Variants in RASA3 observed in about 807,000 individuals in gnomAD.
RASA3 encodes the protein RAS p21 protein activator 3.
A neutral mutation model predicts 110.0 loss-of-function variants in RASA3; 73 were observed. The ratio of observed to expected loss-of-function variants is 0.66; its 90% CI spans 0.55 to 0.81. The LOEUF (loss-of-function observed/expected upper bound fraction) is 0.81, where lower values mean the gene tolerates loss of function less well. Ranked by LOEUF, RASA3 falls within the 30% of genes least tolerant of loss-of-function variation. The pLI is 0.00. For missense variants in RASA3, 976 were observed against 1,113.2 expected (o/e 0.88, Z 1.75); for synonymous variants, 500 against 451.4 (o/e 1.11, Z -1.37).
Position 114,000,737 on chromosome 13 carries a change from C to A in RASA3, c.1849+89G>T, listed in dbSNP as rs1284771663. The A allele has an allele frequency of 1.6e-4, 162 of 984,890 alleles. 1 individual carries two copies. The highest frequency in any genetic ancestry group is 3.4e-5 in the Non-Finnish European group (21 of 613,572). 61.0% of individuals were successfully genotyped at this position (984,890 alleles called of 1,614,324 possible). ...CTGCCCGCAGCACTGAATCCTTCCT[C>A]CCCTCAGCTCTCCCCCTGAAAAAGC... On this transcript the variant is annotated intron_variant, in intron 19 of 23. Coordinates refer to ENST00000334062, the MANE Select transcript of RASA3 (RefSeq NM_007368.4).
intron 15 of RASA3, among the ~76,000 whole-genome samples, chr13:114,012,720 A>G (rs1409776167): frequency 1.6e-5 from 2 of 128,310 alleles, no homozygotes; most frequent in East Asian, 4.7e-4. Context: ...CACACTCCCC[A>G]TTCCACACAC....
Position 114,018,797 on chromosome 13 carries a change from A to G in RASA3, c.908T>C (p.Leu303Pro). Residue 303 changes from leucine to proline, a missense_variant, in exon 10 of 24, where the codon CTG (leucine) becomes CCG (proline). Leu to Pro is a moderately conservative substitution (Grantham distance 98). This residue lies in a region of RASA3 where 732 missense variants were observed against 779.7 expected (regional missense o/e 0.94). Coordinates refer to ENST00000334062, the MANE Select transcript of RASA3 (RefSeq NM_007368.4). The stretch of plus-strand genomic sequence containing the variant: ...CGCAGACTTCAACAGCAGGTCCCGC[A>G]GAGGGCTGTAATAGTCAGAAGAAAA... ...HVFSSDYYSP[L>P]RDLLLKSADV... 1 of 1,613,604 alleles carries G rather than the reference A, an allele frequency of 6.2e-7. No individual in the cohort carries two copies. The highest frequency in any genetic ancestry group is 8.5e-7 in the Non-Finnish European group (1 of 1,179,964).
Position 114,112,871 on chromosome 13 carries a change from G to C in RASA3, c.55+19564C>G, listed in dbSNP as rs559287079. Reference sequence around the variant, plus strand: ...CCTCAGCAAAAAAGCAACACTCGCCGTTCAGAGAGTGAATGAGAGGCCAGC... The same window carrying C: ...CCTCAGCAAAAAAGCAACACTCGCCCTTCAGAGAGTGAATGAGAGGCCAGC... On this transcript the variant is annotated intron_variant, in intron 1 of 23. Coordinates refer to ENST00000334062, the MANE Select transcript of RASA3 (RefSeq NM_007368.4). This position sits in a 1 kb window ranked among gnomAD's most constrained non-coding sequence, Gnocchi z 4.8. Among the ~76,000 whole-genome samples, 222 of 152,242 alleles carry C rather than the reference G, an allele frequency of 1.5e-3. 1 individual carries two copies. The highest frequency in any genetic ancestry group is 5.0e-3 in the African/African-American group (207 of 41,568).
rs1468196296 is a variant in RASA3 at position 114,048,027 on chromosome 13, A to C, written c.277+4025T>G. On this transcript the variant is annotated intron_variant, in intron 3 of 23. Coordinates refer to ENST00000334062, the MANE Select transcript of RASA3 (RefSeq NM_007368.4). This position sits in a 1 kb window ranked among gnomAD's most constrained non-coding sequence, Gnocchi z 4.3. ...CACCTGATTTATACACAAAGAACGGAGGTCTCGGCCGGGCGCGGTGGCTCA... is the reference window on the plus strand; with the variant it reads ...CACCTGATTTATACACAAAGAACGGCGGTCTCGGCCGGGCGCGGTGGCTCA... Among the ~76,000 whole-genome samples, 1 of 152,198 alleles carries C rather than the reference A, an allele frequency of 6.6e-6. No individual in the cohort carries two copies. The highest frequency in any genetic ancestry group is 1.5e-5 in the Non-Finnish European group (1 of 68,030).
chr13:113,991,277 G>A (rs112445844), intron 22 of RASA3, among the ~76,000 whole-genome samples: 14 of 148,642 alleles, frequency 9.4e-5, no homozygotes, highest in Non-Finnish European at 1.3e-4. Flanking sequence ...GAGAACAGGC[G>A]TGGCCAAGCT....
Position 114,021,860 on chromosome 13 carries a change from C to T in RASA3, c.681-352G>A, listed in dbSNP as rs115079264. On this transcript the variant is annotated intron_variant, in intron 8 of 23. Coordinates refer to ENST00000334062, the MANE Select transcript of RASA3 (RefSeq NM_007368.4). ...ATAGGAGGGAGCCTGGGCGTCGCTGCGTGCACCCAGGAGCTACATGACCCC... is the reference window on the plus strand; with the variant it reads ...ATAGGAGGGAGCCTGGGCGTCGCTGTGTGCACCCAGGAGCTACATGACCCC... Among the ~76,000 whole-genome samples, 1,211 of 151,554 alleles carry T rather than the reference C, an allele frequency of 8.0e-3. 8 individuals are homozygous for T. The highest frequency in any genetic ancestry group is 0.028 in the African/African-American group (1,161 of 41,108).
At chr13:114,034,799 A>G (rs1206062214) in intron 4 of RASA3, among the ~76,000 whole-genome samples, 1 of 152,262 alleles carries the variant, frequency 6.6e-6, no homozygotes, top group South Asian at 2.1e-4. Flanking sequence ...AGTGTTACTC[A>G]TCAAAATCAG....
intron 1 of RASA3, among the ~76,000 whole-genome samples, chr13:114,101,613 G>A (rs1344442436): frequency 6.6e-6 from 1 of 152,224 alleles, no homozygotes. Flanking sequence ...GGCTGTCCTC[G>A]TTTCCAAGTC....
chr13:113,981,731 C>T lies in RASA3; in HGVS notation c.2373G>A (p.Glu791=). The change falls in exon 23 of 24, where the codon GAG becomes GAA. Residue 791 remains glutamate (E), a synonymous_variant. Coordinates refer to ENST00000334062, the MANE Select transcript of RASA3 (RefSeq NM_007368.4). ...KQVIAGVGAL[E]QEHAQYKRDK... ...CCCTCTTATACTGGGCGTGCTCCTG[C>T]TCCAAAGCCCCAACCCCAGCGATGA... 6.2e-7 allele frequency: 1 copy of T among 1,614,140 alleles called. No individual in the cohort carries two copies. The highest frequency in any genetic ancestry group is 8.5e-7 in the Non-Finnish European group (1 of 1,180,004).
At chr13:113,989,089 GATCACTCACCCATCTGTCCATCACC>G (rs1433922218) in intron 22 of RASA3, among the ~76,000 whole-genome samples, 43 of 102,010 alleles carry the variant, frequency 4.2e-4, no homozygotes, top group African/African-American at 1.5e-3. Flanking sequence ...TCAGTCCACC[GATCACTCACCCATCTGTCCATCACC>G]ATCACTCACC....
Position 114,112,689 on chromosome 13 carries a change from A to G in RASA3, c.55+19746T>C, listed in dbSNP as rs2139766889. Among the ~76,000 whole-genome samples, 1 of 151,812 alleles carries G rather than the reference A, an allele frequency of 6.6e-6. No homozygotes were observed. On this transcript the variant is annotated intron_variant, in intron 1 of 23. Transcript: ENST00000334062. This position sits in a 1 kb window ranked among gnomAD's most constrained non-coding sequence, Gnocchi z 4.8. Reference sequence around the variant, plus strand: ...CTCCCTGCTTGCCCTGGTCCCACACACTCAGGCCTGTGTGGCCAGCGTGGT... The same window carrying G: ...CTCCCTGCTTGCCCTGGTCCCACACGCTCAGGCCTGTGTGGCCAGCGTGGT...
In RASA3 at chr13:113,979,164, C is replaced by T. The variant is rs2052846386; in HGVS notation, c.*183G>A. On this transcript the variant is annotated 3_prime_UTR_variant, in exon 24 of 24. Transcript: ENST00000334062. ...TCCACAGGGCCAGGTGGGCTTTCTG[C>T]GGAGGGCGTGGCGGTGGTGGCAGCG... is the stretch of plus-strand genomic sequence containing the variant. 3 of 606,712 alleles carry T rather than the reference C, an allele frequency of 4.9e-6. No individual in the cohort carries two copies. Among genetic ancestry groups the T allele is most frequent in the East Asian group, 5.5e-5 (2 of 36,144 alleles). The allele number at this position is 606,712 out of a possible 1,614,324, so 37.6% of individuals were successfully genotyped here. A position where few individuals can be genotyped will look rare whatever the true frequency, so the allele number is the denominator to read the frequency against.
chr13:114,013,530 C>A, intron 14 of RASA3, among the ~76,000 whole-genome samples: 1 of 144,518 alleles, frequency 6.9e-6, no homozygotes, highest in East Asian at 2.2e-4. Context: ...TCTCATCTCT[C>A]TGTCTCTCTC....
intron 1 of RASA3, among the ~76,000 whole-genome samples, chr13:114,117,413 G>A (rs1176322021): frequency 4.7e-5 from 7 of 148,860 alleles, no homozygotes; most frequent in Non-Finnish European, 7.4e-5. Context: ...GTCTGTGAGG[G>A]GTGCATGCAA....
chr13:114,065,162 G>C lies in RASA3; in HGVS notation c.173+8558C>G, dbSNP rs2079424273. ...CTCCTCCTCCTGGAGCCTGGAGCAG[G>C]GGCTCAGCTGGGACCAGCAGAGAAA... On this transcript the variant is annotated intron_variant, in intron 2 of 23. Transcript: ENST00000334062. This position sits in a 1 kb window ranked among gnomAD's most constrained non-coding sequence, Gnocchi z 4.1. Among the ~76,000 whole-genome samples, 1 of 152,216 alleles carries C rather than the reference G, an allele frequency of 6.6e-6. No individual in the cohort carries two copies. The highest frequency in any genetic ancestry group is 1.5e-5 in the Non-Finnish European group (1 of 68,040).
intron 22 of RASA3, among the ~76,000 whole-genome samples, chr13:113,991,850 A>G (rs1359579296): frequency 6.6e-6 from 1 of 152,206 alleles, no homozygotes; most frequent in Non-Finnish European, 1.5e-5. Context: ...GTTTCCACAC[A>G]TGCACAAATT....
At chr13:114,022,978 C>T (rs1258414907) in intron 8 of RASA3, among the ~76,000 whole-genome samples, 1 of 152,162 alleles carries the variant, frequency 6.6e-6, no homozygotes, top group Non-Finnish European at 1.5e-5. Flanking sequence ...CAGGGACATT[C>T]TATGGTTCAG....
chr13:114,093,071 T>C (rs1210816917), intron 1 of RASA3, among the ~76,000 whole-genome samples: 2 of 152,258 alleles, frequency 1.3e-5, no homozygotes, highest in African/African-American at 2.4e-5. Context: ...TATTTTGATA[T>C]TGCCTATCTC....
chr13:114,027,031 C>A (rs1372177226), intron 7 of RASA3, among the ~76,000 whole-genome samples: 1 of 152,256 alleles, frequency 6.6e-6, no homozygotes, highest in African/African-American at 2.4e-5. Context: ...AAAACAAAAA[C>A]CCCCAAGGTC....
Sources: allele counts gnomAD v4.1 joint callset (sites outside exome capture counted in the v4.1 genomes callset), GRCh38; gene constraint gnomAD v4.1.1; regional missense constraint gnomAD v4.1.1; non-coding constraint Gnocchi (gnomAD v3.1); transcripts MANE v1.5; gene names NCBI Gene and HGNC (gene_info 2026-07-23, HGNC 2026-07-21).